Variants in RANBP2 observed in about 807,000 individuals in gnomAD.
The protein encoded by RANBP2 is RAN binding protein 2, also known as E3 SUMO-protein ligase RanBP2.
Under a neutral mutation model 303.6 loss-of-function variants are expected in RANBP2, and 57 were observed. The ratio of observed to expected loss-of-function variants is 0.19; its 90% CI spans 0.15 to 0.23. RANBP2 has a LOEUF of 0.23. Ranked by LOEUF, RANBP2 falls within the 10% of genes least tolerant of loss-of-function variation. RANBP2 has a pLI of 1.00. For missense variants in RANBP2, 3,138 were observed against 3,780.8 expected (o/e 0.83, Z 4.46); for synonymous variants, 1,167 against 1,301.5 (o/e 0.90, Z 2.23).
At chr2:109,510,455 C>G in the RANBP2 span, among the ~76,000 whole-genome samples, 1 of 152,162 alleles carries the variant, frequency 6.6e-6, no homozygotes, top group Non-Finnish European at 1.5e-5. Context: ...ACAAGTCAGT[C>G]CGATGTGGAG....
chr2:109,692,928 C>T, the RANBP2 span, among the ~76,000 whole-genome samples: 4 of 150,042 alleles, frequency 2.7e-5, no homozygotes, highest in South Asian at 8.5e-4. Flanking sequence ...AAGCGATTCT[C>T]GTGCCTCAGC....
the RANBP2 span, among the ~76,000 whole-genome samples, chr2:109,073,984 A>T: frequency 6.6e-6 from 1 of 150,918 alleles, no homozygotes; most frequent in Non-Finnish European, 1.5e-5. Flanking sequence ...CACAACAAAA[A>T]CAGGCAAACA....
At chr2:109,433,953 C>T in the RANBP2 span, among the ~76,000 whole-genome samples, 1 of 152,228 alleles carries the variant, frequency 6.6e-6, no homozygotes, top group Admixed American at 6.5e-5. Flanking sequence ...CAGCCTCCTG[C>T]GGCTTCTTCA....
chr2:109,245,758 A>G, the RANBP2 span, among the ~76,000 whole-genome samples: 5 of 152,342 alleles, frequency 3.3e-5, no homozygotes, highest in South Asian at 2.1e-4. Context: ...CATTTTTGCT[A>G]TAATTCCTGG....
At chr2:109,104,220 T>C in the RANBP2 span, among the ~76,000 whole-genome samples, 1 of 152,210 alleles carries the variant, frequency 6.6e-6, no homozygotes, top group Admixed American at 6.5e-5. Flanking sequence ...ATCTGTCATG[T>C]GATGTTATAC....
chr2:108,808,269 G>C, the RANBP2 span, among the ~76,000 whole-genome samples: 6 of 152,104 alleles, frequency 3.9e-5, no homozygotes, highest in African/African-American at 1.4e-4. Context: ...TGGACACATA[G>C]GTTGGCTACT....
chr2:108,752,631 AAAAAAG>A (rs1181798474), intron 12 of RANBP2, among the ~76,000 whole-genome samples: 29 of 133,906 alleles, frequency 2.2e-4, no homozygotes, highest in African/African-American at 9.8e-4. Flanking sequence ...AAAAAAAAAA[AAAAAAG>A]AAAAAATTAG....
At chr2:108,920,982 A>G in the RANBP2 span, among the ~76,000 whole-genome samples, 1 of 152,148 alleles carries the variant, frequency 6.6e-6, no homozygotes, top group Admixed American at 6.5e-5. Context: ...AACCTACCGT[A>G]GTGGTTCCCA....
the RANBP2 span, among the ~76,000 whole-genome samples, chr2:109,297,660 A>C: frequency 9.0e-6 from 1 of 110,922 alleles, no homozygotes; most frequent in African/African-American, 3.6e-5. Flanking sequence ...AGTGTCCCCC[A>C]CCCTGGTCAG....
the RANBP2 span, among the ~76,000 whole-genome samples, chr2:109,358,659 G>GT: frequency 1.3e-5 from 2 of 152,146 alleles, no homozygotes; most frequent in South Asian, 4.1e-4. Context: ...AGTTTTAAGA[G>GT]TTTTTTGTGT....
the RANBP2 span, among the ~76,000 whole-genome samples, chr2:108,853,891 G>GTA: frequency 5.5e-5 from 6 of 108,702 alleles, no homozygotes; most frequent in East Asian, 6.9e-4. Flanking sequence ...ATATTATATA[G>GTA]TATATATATT....
At chr2:109,684,444 T>TTG in the RANBP2 span, among the ~76,000 whole-genome samples, 1 of 151,842 alleles carries the variant, frequency 6.6e-6, no homozygotes, top group South Asian at 2.1e-4. Flanking sequence ...TTTCACCATC[T>TTG]TGTCCAGGCT....
chr2:109,725,666 T>C, the RANBP2 span, among the ~76,000 whole-genome samples: 1 of 152,226 alleles, frequency 6.6e-6, no homozygotes, highest in African/African-American at 2.4e-5. Context: ...AATGGTACTT[T>C]TTCTGAATGC....
At chr2:108,910,561 T>G in the RANBP2 span, 1 of 1,591,158 alleles carries the variant, frequency 6.3e-7, no homozygotes, top group Non-Finnish European at 8.6e-7. Context: ...GTTGGGGAGA[T>G]AGGAGTTAGA....
the RANBP2 span, among the ~76,000 whole-genome samples, chr2:109,025,714 C>G: frequency 1.3e-5 from 2 of 150,672 alleles, no homozygotes; most frequent in African/African-American, 4.9e-5. Context: ...AGGAGAATGG[C>G]GTGAACCCGG....
the RANBP2 span, among the ~76,000 whole-genome samples, chr2:108,820,085 A>T: frequency 6.6e-6 from 1 of 152,196 alleles, no homozygotes; most frequent in African/African-American, 2.4e-5. Context: ...CGCAGAAGAC[A>T]TCAACACACT....
chr2:109,129,473 C>G, the RANBP2 span: 220,073 of 1,492,742 alleles, frequency 0.15, 25,944 homozygotes, highest in East Asian at 0.62. Context: ...TGCTGGCTGC[C>G]GGTGGCGGGC....
intron 7 of RANBP2, among the ~76,000 whole-genome samples, chr2:108,743,121 T>C (rs1446783710): frequency 6.6e-6 from 1 of 152,154 alleles, no homozygotes; most frequent in Non-Finnish European, 1.5e-5. Flanking sequence ...AACTTTAAAA[T>C]TTATCTGTCT....
the RANBP2 span, chr2:109,564,344 C>G: frequency 2.0e-6 from 3 of 1,499,742 alleles, no homozygotes; most frequent in South Asian, 4.3e-5. Context: ...CTTTGGTTGG[C>G]TTCCCAAGAA....
Sources: gnomAD v4.1 joint callset for allele counts (sites outside exome capture counted in the v4.1 genomes callset) on GRCh38, gnomAD v4.1.1 for gene constraint, MANE v1.5 for transcripts, NCBI Gene and HGNC (gene_info 2026-07-23, HGNC 2026-07-21) for gene names.